KCNU1: variants seen among roughly 807,000 people sequenced by gnomAD.
KCNU1 encodes potassium calcium-activated channel subfamily U member 1.
In KCNU1, 93 loss-of-function variants were observed where a neutral mutation model predicts 126.8. The ratio of observed to expected loss-of-function variants is 0.73; its 90% CI spans 0.62 to 0.87. The LOEUF is 0.87. Ranked by LOEUF, KCNU1 falls within the 40% of genes least tolerant of loss-of-function variation. The pLI is 0.00. For synonymous variants in KCNU1, 523 were observed against 494.2 expected (o/e 1.06, Z -0.77); for missense variants, 1,330 against 1,367.1 (o/e 0.97, Z 0.43).
At chr8:36,830,966 T>A (rs957147842) in intron 10 of KCNU1, among the ~76,000 whole-genome samples, 33 of 140,060 alleles carry the variant, frequency 2.4e-4, no homozygotes, top group Non-Finnish European at 4.4e-4. Context: ...TGTCCATGTG[T>A]TCTCATTGTT....
Position 36,864,416 on chromosome 8 carries a change from A to T in KCNU1, c.1904A>T (p.Lys635Met). The change falls in exon 19 of 27, where the codon AAG (lysine) becomes ATG (methionine). Residue 635 changes from lysine (K) to methionine (M), a missense_variant. Transcript: ENST00000399881. The stretch of plus-strand genomic sequence containing the variant: ...TATCCTATTGCAGTGCCATCGGTAA[A>T]GAGAATGAAAAAATGTCTGAAGGGA... ...SRQHITVPSV[K>M]RMKKCLKGIS... 2 of 1,602,380 alleles carry T rather than the reference A, an allele frequency of 1.2e-6. No individual in the cohort carries two copies. Among genetic ancestry groups the T allele is most frequent in the Non-Finnish European group, 1.7e-6 (2 of 1,169,596 alleles).
intron 2 of KCNU1, among the ~76,000 whole-genome samples, chr8:36,798,040 G>A (rs994415436): frequency 6.6e-6 from 1 of 152,180 alleles, no homozygotes; most frequent in Admixed American, 6.5e-5. Context: ...TTTCGTGTCT[G>A]TTCCTTTCAG....
At chr8:36,850,323 A>T (rs1029765757) in intron 18 of KCNU1, among the ~76,000 whole-genome samples, 6 of 152,088 alleles carry the variant, frequency 3.9e-5, no homozygotes, top group Non-Finnish European at 7.4e-5. Flanking sequence ...ATGTTCAATG[A>T]TATATTTTTT....
chr8:36,903,009 G>C (rs953210546), intron 19 of KCNU1, among the ~76,000 whole-genome samples: 1 of 152,048 alleles, frequency 6.6e-6, no homozygotes, highest in Non-Finnish European at 1.5e-5. Context: ...TAAGTTTATA[G>C]GTAGTTCTTA....
At chr8:36,840,725 T>A (rs1053036146) in intron 15 of KCNU1, 150 bp downstream of exon 15, 1 of 682,622 alleles carries the variant, frequency 1.5e-6, no homozygotes, top group African/African-American at 1.8e-5. Flanking sequence ...AAGTTTACAG[T>A]TGGGATGGGG....
In KCNU1 at chr8:36,787,363, G is replaced by C; in HGVS notation, c.253G>C (p.Gly85Arg). The C allele has an allele frequency of 6.2e-7, 1 of 1,612,510 alleles. No individual in the cohort carries two copies. Among genetic ancestry groups the C allele is most frequent in the Non-Finnish European group, 8.5e-7 (1 of 1,179,066 alleles). Reference protein sequence around the residue: ...RSHVRSLHFQGQFRDHIEMLL... With the variant: ...RSHVRSLHFQRQFRDHIEMLL... The stretch of plus-strand genomic sequence containing the variant: ...CCATGTAAGAAGCCTCCACTTCCAG[G>C]GACAATTTCGTGATCATATAGAAAT... Residue 85 changes from glycine (G) to arginine (R), a missense_variant, in exon 2 of 27, where the codon GGA (glycine) becomes CGA (arginine). Coordinates refer to ENST00000399881, the MANE Select transcript of KCNU1 (RefSeq NM_001031836.3).
rs556933775 is a variant in KCNU1 at position 36,790,274 on chromosome 8, A to G, written c.315+2849A>G. On this transcript the variant is annotated intron_variant, in intron 2 of 26. Coordinates refer to ENST00000399881, the MANE Select transcript of KCNU1 (RefSeq NM_001031836.3). Reference sequence around the variant, plus strand: ...ACTGCACCAAAAATATAACCTCAAGATATGTAAAACATTAAAAAGTTATTT... The same window carrying G: ...ACTGCACCAAAAATATAACCTCAAGGTATGTAAAACATTAAAAAGTTATTT... Among the ~76,000 whole-genome samples, 8 of 152,316 alleles carry G rather than the reference A, an allele frequency of 5.3e-5. No homozygotes were observed. In the South Asian group the frequency reaches 1.4e-3, roughly 28 times the overall value.
chr8:36,884,931 C>A (rs1005768917), intron 19 of KCNU1, among the ~76,000 whole-genome samples: 23 of 152,134 alleles, frequency 1.5e-4, no homozygotes, highest in African/African-American at 5.5e-4. Context: ...AACAAAAAAA[C>A]TAAACAAACT....
chr8:36,922,438 T>G (rs1808388132), intron 23 of KCNU1, 52 bp from the exon 24 acceptor site: 2 of 1,565,192 alleles, frequency 1.3e-6, no homozygotes, highest in African/African-American at 1.4e-5. Context: ...TGGCACTTCT[T>G]ATATTCTTAA....
chr8:36,912,616 G>T (rs959477552), intron 22 of KCNU1, among the ~76,000 whole-genome samples: 5 of 152,180 alleles, frequency 3.3e-5, no homozygotes, highest in African/African-American at 1.2e-4. Context: ...GTGTGTGTGT[G>T]TGTGTGTGCA....
chr8:36,911,115 G>A lies in KCNU1; in HGVS notation c.2517G>A (p.Val839=), dbSNP rs747368098. ...IDSSSDPSPS[V]SEETPGYTNG... Reference sequence around the variant, plus strand: ...CCTCCTCTGACCCGTCACCCTCAGTGTCAGGTGAGAACAGCACCCCTGAAA... The same window carrying A: ...CCTCCTCTGACCCGTCACCCTCAGTATCAGGTGAGAACAGCACCCCTGAAA... The change falls in exon 22 of 27, where the codon GTG becomes GTA. Residue 839 remains valine, a synonymous_variant. Transcript: ENST00000399881. 6.2e-7 allele frequency: 1 copy of A among 1,611,370 alleles called. No homozygotes were observed. The highest frequency in any genetic ancestry group is 8.5e-7 in the Non-Finnish European group (1 of 1,178,044).
chr8:36,851,094 A>G (rs1006038895), intron 18 of KCNU1, among the ~76,000 whole-genome samples: 7 of 152,152 alleles, frequency 4.6e-5, no homozygotes, highest in Non-Finnish European at 7.3e-5. Flanking sequence ...GTCAGGATCA[A>G]TATGTTAATT....
intron 19 of KCNU1, among the ~76,000 whole-genome samples, chr8:36,880,484 C>T (rs1476673122): frequency 1.3e-5 from 2 of 152,060 alleles, no homozygotes; most frequent in Non-Finnish European, 2.9e-5. Flanking sequence ...GATGGGGTGT[C>T]GAACACAGGC....
intron 19 of KCNU1, among the ~76,000 whole-genome samples, chr8:36,903,964 C>T (rs561400275): frequency 1.3e-5 from 2 of 152,268 alleles, no homozygotes; most frequent in African/African-American, 4.8e-5. Flanking sequence ...AATTACCTCC[C>T]ACTGGGTCCC....
At chr8:36,873,034 G>C (rs1806158413) in intron 19 of KCNU1, among the ~76,000 whole-genome samples, 1 of 152,062 alleles carries the variant, frequency 6.6e-6, no homozygotes. Flanking sequence ...AGCCAAGATT[G>C]CACCATTGCA....
At chr8:36,915,631 C>A (rs948450464) in intron 22 of KCNU1, among the ~76,000 whole-genome samples, 1 of 152,160 alleles carries the variant, frequency 6.6e-6, no homozygotes, top group East Asian at 1.9e-4. Context: ...TTGGATTCTC[C>A]CCTCCTTCAC....
intron 24 of KCNU1, among the ~76,000 whole-genome samples, chr8:36,927,494 T>G (rs1421977891): frequency 6.6e-6 from 1 of 152,198 alleles, no homozygotes; most frequent in Non-Finnish European, 1.5e-5. Context: ...GGGAGCACTT[T>G]CCCTTACTTC....
chr8:36,893,081 C>T lies in KCNU1; in HGVS notation c.2010-12627C>T, dbSNP rs534766704. On this transcript the variant is annotated intron_variant, in intron 19 of 26. Coordinates refer to ENST00000399881, the MANE Select transcript of KCNU1 (RefSeq NM_001031836.3). ...GGATCAAGCAATTCTCCTGACTCAGCCTCTCAAGTAGCTGTTATTACAGGT... is the reference window on the plus strand; with the variant it reads ...GGATCAAGCAATTCTCCTGACTCAGTCTCTCAAGTAGCTGTTATTACAGGT... 3.3e-5 allele frequency among the ~76,000 whole-genome samples: 5 copies of T among 152,220 alleles called. No individual in the cohort carries two copies. In the South Asian group the frequency reaches 1.0e-3, roughly 32 times the overall value.
At chr8:36,788,827 T>G (rs1802802195) in intron 2 of KCNU1, among the ~76,000 whole-genome samples, 2 of 152,330 alleles carry the variant, frequency 1.3e-5, no homozygotes, top group Admixed American at 6.5e-5. Flanking sequence ...GTCATGTTTG[T>G]GTGAGAAACT....
Sources: gnomAD v4.1 joint callset for allele counts (sites outside exome capture counted in the v4.1 genomes callset) on GRCh38, gnomAD v4.1.1 for gene constraint, MANE v1.5 for transcripts, NCBI Gene and HGNC (gene_info 2026-07-23, HGNC 2026-07-21) for gene names.